GRIN2A: variants seen among roughly 807,000 people sequenced by gnomAD.
GRIN2A encodes the protein glutamate ionotropic receptor NMDA type subunit 2A.
GRIN2A carries 22 observed loss-of-function variants against 113.4 expected under a neutral mutation model. That is an observed-to-expected ratio of 0.19 (90% CI 0.14 to 0.28). GRIN2A has a LOEUF of 0.28. Ranked by LOEUF, GRIN2A falls within the 10% of genes least tolerant of loss-of-function variation. The probability of loss-of-function intolerance (pLI) is 1.00; values close to 1 mark genes in which losing one functional copy is unlikely to be tolerated. For synonymous variants in GRIN2A, 827 were observed against 738.4 expected, an observed-to-expected ratio of 1.12 and a Z score of -1.94; for missense variants, 1,502 against 1,887.0, an observed-to-expected ratio of 0.80 and a Z score of 3.78.
intron 2 of GRIN2A, among the ~76,000 whole-genome samples, chr16:10,048,924 T>G (rs892204834): frequency 3.9e-5 from 6 of 152,196 alleles, no homozygotes; most frequent in African/African-American, 1.4e-4. Context: ...CCTGCTGACG[T>G]GGAGGAAGGA....
chr16:10,039,322 CG>C (rs1324528262), intron 2 of GRIN2A, among the ~76,000 whole-genome samples: 3 of 152,152 alleles, frequency 2.0e-5, no homozygotes, highest in Non-Finnish European at 4.4e-5. Context: ...GCATTCGTAG[CG>C]GGGGCAGGGA....
At chr16:10,095,553 G>C (rs2048271504) in intron 2 of GRIN2A, among the ~76,000 whole-genome samples, 1 of 152,152 alleles carries the variant, frequency 6.6e-6, no homozygotes, top group Admixed American at 6.5e-5. Flanking sequence ...GCTAAAGCTG[G>C]TGAGTAAAAA....
chr16:10,094,217 C>T (rs1567293972), intron 2 of GRIN2A, among the ~76,000 whole-genome samples: 3 of 152,180 alleles, frequency 2.0e-5, no homozygotes, highest in African/African-American at 7.2e-5. Context: ...CAACAAGACA[C>T]TTGCAAACAA....
At chr16:10,059,333 A>C (rs2047510320) in intron 2 of GRIN2A, among the ~76,000 whole-genome samples, 1 of 152,130 alleles carries the variant, frequency 6.6e-6, no homozygotes, top group African/African-American at 2.4e-5. Flanking sequence ...TGTAAAGAAA[A>C]AGATAATTGA....
intron 2 of GRIN2A, among the ~76,000 whole-genome samples, chr16:10,137,321 T>TA (rs1355674328): frequency 6.6e-6 from 1 of 152,188 alleles, no homozygotes; most frequent in African/African-American, 2.4e-5. Context: ...GTAACTTGCT[T>TA]AAATGAGGAG....
rs556926163 is a variant in GRIN2A at position 9,880,673 on chromosome 16, T to C, written c.1122+10313A>G. On this transcript the variant is annotated intron_variant, in intron 4 of 12. Transcript: ENST00000330684. ...ACCACACAGCTATGTTCCAATCACA[T>C]TGAACTCTTCTCCAGATGGGCCTTG... 1.7e-3 allele frequency among the ~76,000 whole-genome samples: 255 copies of C among 152,310 alleles called. 1 individual carries two copies. The highest frequency in any genetic ancestry group is 5.7e-3 in the African/African-American group (239 of 41,568).
intron 5 of GRIN2A, among the ~76,000 whole-genome samples, chr16:9,846,928 C>G (rs2042782894): frequency 1.3e-5 from 2 of 152,126 alleles, no homozygotes; most frequent in African/African-American, 4.8e-5. Flanking sequence ...TTGGAGGTGG[C>G]CATGGAGGTT....
intron 2 of GRIN2A, among the ~76,000 whole-genome samples, chr16:10,085,924 C>T (rs2048077942): frequency 6.6e-6 from 1 of 152,144 alleles, no homozygotes; most frequent in Non-Finnish European, 1.5e-5. Flanking sequence ...CGCTTAACCA[C>T]AACACTAGAA....
At chr16:9,890,013 A>G (rs758415860) in intron 4 of GRIN2A, among the ~76,000 whole-genome samples, 1 of 152,138 alleles carries the variant, frequency 6.6e-6, no homozygotes, top group Non-Finnish European at 1.5e-5. Flanking sequence ...CCCAGAGTCA[A>G]TGCTTCTGTT....
At chr16:9,901,411 A>C (rs1346014723) in intron 3 of GRIN2A, among the ~76,000 whole-genome samples, 2 of 152,106 alleles carry the variant, frequency 1.3e-5, no homozygotes, top group African/African-American at 4.8e-5. Flanking sequence ...CTCCACTTAC[A>C]TCGTTAATAT....
chr16:9,999,102 C>T (rs1042129196), intron 2 of GRIN2A, among the ~76,000 whole-genome samples: 3 of 152,142 alleles, frequency 2.0e-5, no homozygotes, highest in Admixed American at 6.5e-5. Context: ...AGCACAGAAA[C>T]TTACACTGAA....
At chr16:9,842,107 C>T (rs775688147) in intron 5 of GRIN2A, among the ~76,000 whole-genome samples, 3 of 152,076 alleles carry the variant, frequency 2.0e-5, no homozygotes, top group Non-Finnish European at 4.4e-5. Flanking sequence ...AAAAATTAGC[C>T]AGGCATGGTG....
At chr16:10,135,420 C>A (rs889743450) in intron 2 of GRIN2A, among the ~76,000 whole-genome samples, 1 of 152,206 alleles carries the variant, frequency 6.6e-6, no homozygotes, top group South Asian at 2.1e-4. Context: ...TGTTAGCATT[C>A]GTATTTCCAC....
At chr16:9,920,849 A>G (rs2044345835) in intron 3 of GRIN2A, among the ~76,000 whole-genome samples, 1 of 152,066 alleles carries the variant, frequency 6.6e-6, no homozygotes, top group Admixed American at 6.6e-5. Context: ...CCCATTATAG[A>G]CTGGTTTGCA....
At chr16:10,153,796 A>G (rs2049632987) in intron 2 of GRIN2A, among the ~76,000 whole-genome samples, 1 of 152,182 alleles carries the variant, frequency 6.6e-6, no homozygotes, top group Non-Finnish European at 1.5e-5. Context: ...AGACGGAAAG[A>G]TCTCCTTAAT....
chr16:9,838,446 T>C (rs1289793714), intron 7 of GRIN2A, among the ~76,000 whole-genome samples: 4 of 152,210 alleles, frequency 2.6e-5, no homozygotes, highest in Non-Finnish European at 4.4e-5. Flanking sequence ...TATATATACA[T>C]TGTGGAATAC....
chr16:9,830,162 A>C (rs964315658), intron 8 of GRIN2A, among the ~76,000 whole-genome samples: 1 of 152,230 alleles, frequency 6.6e-6, no homozygotes, highest in Non-Finnish European at 1.5e-5. Flanking sequence ...TGTGTACAAC[A>C]TAAGAATTAA....
chr16:9,890,916 G>T, intron 4 of GRIN2A, 70 bp downstream of exon 4: 1 of 935,124 alleles, frequency 1.1e-6, no homozygotes, highest in East Asian at 2.4e-5. Context: ...GGAGAAAGAA[G>T]CACTGTGAGC....
intron 2 of GRIN2A, among the ~76,000 whole-genome samples, chr16:10,059,497 C>T (rs1228595223): frequency 3.3e-5 from 5 of 152,054 alleles, no homozygotes; most frequent in African/African-American, 1.2e-4. Context: ...CTACCCCTGG[C>T]TTTGACTGGT....
Sources: gnomAD v4.1 joint callset for allele counts (sites outside exome capture counted in the v4.1 genomes callset) on GRCh38, gnomAD v4.1.1 for gene constraint, MANE v1.5 for transcripts, NCBI Gene and HGNC (gene_info 2026-07-23, HGNC 2026-07-21) for gene names.